The following AUTS2 variants were observed in gnomAD, a reference collection of about 807,000 sequenced individuals.
AUTS2 encodes the protein activator of transcription and developmental regulator AUTS2.
A neutral mutation model predicts 112.4 loss-of-function variants in AUTS2; 17 were observed. That is an observed-to-expected ratio of 0.15 (90% CI 0.10 to 0.23). AUTS2 has a LOEUF of 0.23. AUTS2 is among the 10% of genes least tolerant of loss of function. AUTS2 has a pLI of 1.00. For missense variants in AUTS2, 1,510 were observed against 1,701.6 expected (o/e 0.89, Z 1.98); for synonymous variants, 751 against 702.7 (o/e 1.07, Z -1.09).
At chr7:70,022,149 A>C (rs563872328) in intron 2 of AUTS2, among the ~76,000 whole-genome samples, 17 of 150,182 alleles carry the variant, frequency 1.1e-4, no homozygotes, top group Non-Finnish European at 2.2e-4. Context: ...TAATTGGCAA[A>C]AACATCAGAG....
chr7:69,951,509 C>T (rs1797025488), intron 2 of AUTS2, among the ~76,000 whole-genome samples: 1 of 152,156 alleles, frequency 6.6e-6, no homozygotes, highest in South Asian at 2.1e-4. Context: ...TCTCTAATAC[C>T]AGAGATAGTG....
intron 6 of AUTS2, among the ~76,000 whole-genome samples, chr7:70,711,275 G>GT (rs900918066): frequency 5.3e-5 from 8 of 152,074 alleles, no homozygotes; most frequent in East Asian, 1.9e-4. Context: ...TACTCTGAGG[G>GT]TTTTTTTGGC....
chr7:70,412,720 C>T (rs13242273), intron 4 of AUTS2, among the ~76,000 whole-genome samples: 1 of 152,140 alleles, frequency 6.6e-6, no homozygotes, highest in African/African-American at 2.4e-5. Context: ...TGGCTGGGCG[C>T]AGTGGATCAC....
intron 5 of AUTS2, among the ~76,000 whole-genome samples, chr7:70,670,972 G>A (rs1053700837): frequency 6.6e-6 from 1 of 152,178 alleles, no homozygotes; most frequent in African/African-American, 2.4e-5. Context: ...AGGAGTTCAA[G>A]ACCAGCCTGG....
At chr7:70,648,835 C>T (rs1289401761) in intron 5 of AUTS2, among the ~76,000 whole-genome samples, 1 of 152,166 alleles carries the variant, frequency 6.6e-6, no homozygotes, top group Non-Finnish European at 1.5e-5. Context: ...ATCTGCCTGC[C>T]TTGGCCTCCT....
chr7:70,486,907 C>CA lies in AUTS2; in HGVS notation c.690+51126_690+51127insA, dbSNP rs903943283. ...TTGTTGTTTTTGTATTCCCCCCCCCCCAAAAAAAAAGAAGAAAAGGTTGCA... is the reference window on the plus strand; with the variant it reads ...TTGTTGTTTTTGTATTCCCCCCCCCCACAAAAAAAAAGAAGAAAAGGTTGCA... On this transcript the variant is annotated intron_variant, in intron 5 of 18. Transcript: ENST00000342771. Among the ~76,000 whole-genome samples, 56 of 117,112 alleles carry CA rather than the reference C, an allele frequency of 4.8e-4. 1 individual carries two copies. The highest frequency in any genetic ancestry group is 2.0e-3 in the African/African-American group (53 of 26,744). The allele number at this position is 117,112 out of a possible 152,430, so 76.8% of individuals were successfully genotyped here.
rs34869843 is a variant in AUTS2, at chr7:70,418,075, C to CTGTGTGTGTGTGTGTGTG, written c.661-17657_661-17640dup. 5.8e-3 allele frequency among the ~76,000 whole-genome samples: 787 copies of CTGTGTGTGTGTGTGTGTG among 136,452 alleles called. 5 individuals carry two copies. Among genetic ancestry groups the CTGTGTGTGTGTGTGTGTG allele is most frequent in the Middle Eastern group, 0.027 (7 of 264 alleles). 89.5% of individuals were successfully genotyped at this position (136,452 alleles called of 152,430 possible). A position where few individuals can be genotyped will look rare whatever the true frequency, so the allele number is the denominator to read the frequency against. On this transcript the variant is annotated intron_variant, in intron 4 of 18. Transcript: ENST00000342771. The stretch of plus-strand genomic sequence containing the variant: ...TCACCCAGGCTTGGTGGCTAACTTT[C>CTGTGTGTGTGTGTGTGTG]TGTGTGTGTGTGTGTGTGTGTGTGT...
intron 5 of AUTS2, among the ~76,000 whole-genome samples, chr7:70,489,999 C>A (rs1213307774): frequency 6.6e-6 from 1 of 152,118 alleles, no homozygotes; most frequent in African/African-American, 2.4e-5. Flanking sequence ...AAATCTGTGG[C>A]ATGCAGCCAA....
At chr7:70,577,748 GT>G (rs1802231488) in intron 5 of AUTS2, among the ~76,000 whole-genome samples, 3 of 151,902 alleles carry the variant, frequency 2.0e-5, no homozygotes, top group Non-Finnish European at 4.4e-5. Context: ...ACTAAGCTAT[GT>G]TTTTTTCCCC....
chr7:70,450,884 C>A (rs1258128356), intron 5 of AUTS2, among the ~76,000 whole-genome samples: 1 of 152,150 alleles, frequency 6.6e-6, no homozygotes, highest in East Asian at 1.9e-4. Context: ...TCGTGGATGA[C>A]TCAGGTTTCA....
chr7:69,975,328 T>C (rs1798012762), intron 2 of AUTS2, among the ~76,000 whole-genome samples: 1 of 152,162 alleles, frequency 6.6e-6, no homozygotes, highest in African/African-American at 2.4e-5. Flanking sequence ...TGTGTCTTGG[T>C]GTGGGTATCT....
intron 5 of AUTS2, among the ~76,000 whole-genome samples, chr7:70,488,205 C>A (rs1331352476): frequency 1.3e-5 from 2 of 152,204 alleles, no homozygotes; most frequent in Non-Finnish European, 2.9e-5. Context: ...TTCATAAGCC[C>A]TCGTGCCCGG....
chr7:70,276,143 T>G (rs772005807), intron 4 of AUTS2, among the ~76,000 whole-genome samples: 4 of 152,198 alleles, frequency 2.6e-5, no homozygotes, highest in Non-Finnish European at 5.9e-5. Flanking sequence ...TTTCTGACAT[T>G]GAGTACGTGC....
intron 4 of AUTS2, among the ~76,000 whole-genome samples, chr7:70,396,212 G>A (rs935317225): frequency 1.3e-4 from 19 of 151,984 alleles, no homozygotes; most frequent in African/African-American, 4.4e-4. Context: ...CCTTCCTCCT[G>A]CCCATTCACC....
At chr7:70,412,191 C>T (rs1033319352) in intron 4 of AUTS2, among the ~76,000 whole-genome samples, 3 of 151,992 alleles carry the variant, frequency 2.0e-5, no homozygotes, top group African/African-American at 7.2e-5. Context: ...CACCATGCCC[C>T]GCCAAACTCT....
chr7:70,551,773 A>G (rs995816593), intron 5 of AUTS2, among the ~76,000 whole-genome samples: 2 of 152,198 alleles, frequency 1.3e-5, no homozygotes, highest in Non-Finnish European at 2.9e-5. Context: ...TACTAATGTA[A>G]GATTTAGTAA....
chr7:70,753,592 C>T (rs17762851), intron 6 of AUTS2, among the ~76,000 whole-genome samples: 11,812 of 152,256 alleles, frequency 0.078, 604 homozygotes, highest in East Asian at 0.18. Context: ...TCTAATGGAA[C>T]AAACTGGTCT....
chr7:70,420,116 A>T (rs1475536129), intron 4 of AUTS2, among the ~76,000 whole-genome samples: 1 of 152,214 alleles, frequency 6.6e-6, no homozygotes, highest in Non-Finnish European at 1.5e-5. Flanking sequence ...GTCAGCTTGA[A>T]ATCAGTATTT....
chr7:70,413,273 A>G (rs370500193), intron 4 of AUTS2, among the ~76,000 whole-genome samples: 2 of 152,356 alleles, frequency 1.3e-5, no homozygotes, highest in South Asian at 2.1e-4. Flanking sequence ...TATCTAGAAT[A>G]TAAGTTATTC....
Sources: gnomAD v4.1 joint callset for allele counts (sites outside exome capture counted in the v4.1 genomes callset) on GRCh38, gnomAD v4.1.1 for gene constraint, MANE v1.5 for transcripts, NCBI Gene and HGNC (gene_info 2026-07-23, HGNC 2026-07-21) for gene names.